Variants in NAV3 observed in about 807,000 individuals in gnomAD.
NAV3 encodes the protein neuron navigator 3.
In NAV3, 87 loss-of-function variants were observed where a neutral mutation model predicts 244.7. The ratio of observed to expected loss-of-function variants is 0.36; its 90% CI spans 0.30 to 0.42. NAV3 has a LOEUF of 0.42. Ranked by LOEUF, NAV3 falls within the 20% of genes least tolerant of loss-of-function variation. NAV3 has a pLI of 1.00. For synonymous variants in NAV3, 1,126 were observed against 1,042.2 expected, an observed-to-expected ratio of 1.08 and a Z score of -1.55; for missense variants, 2,663 against 2,893.3, an observed-to-expected ratio of 0.92 and a Z score of 1.83.
At chr12:77,616,457 A>G (rs773970877) in intron 2 of NAV3, among the ~76,000 whole-genome samples, 3 of 152,036 alleles carry the variant, frequency 2.0e-5, no homozygotes, top group Non-Finnish European at 2.9e-5. Flanking sequence ...CACAATATGC[A>G]TTTTTCTTGA....
chr12:77,659,145 A>G (rs1384691700), intron 2 of NAV3, among the ~76,000 whole-genome samples: 9 of 151,818 alleles, frequency 5.9e-5, no homozygotes, highest in Non-Finnish European at 1.0e-4. Flanking sequence ...TGCACAGCAA[A>G]AGAAACTACC....
chr12:77,800,475 T>A (rs1871650343), intron 2 of NAV3, among the ~76,000 whole-genome samples: 1 of 152,146 alleles, frequency 6.6e-6, no homozygotes, highest in Non-Finnish European at 1.5e-5. Context: ...CTGGGGAATG[T>A]GGATTTTTTG....
At chr12:77,984,240 C>T (rs1870072808) in intron 5 of NAV3, among the ~76,000 whole-genome samples, 1 of 152,092 alleles carries the variant, frequency 6.6e-6, no homozygotes. Context: ...ATCACAGTCC[C>T]AAAGTAATTT....
intron 1 of NAV3, among the ~76,000 whole-genome samples, chr12:77,936,694 T>C (rs894608482): frequency 6.6e-6 from 1 of 152,172 alleles, no homozygotes; most frequent in African/African-American, 2.4e-5. Flanking sequence ...CTGAGGGCAA[T>C]TTTGGAGTTC....
chr12:78,090,952 T>TTC lies in NAV3; in HGVS notation c.2637-25818_2637-25817dup, dbSNP rs1276309732. Among the ~76,000 whole-genome samples, 80 of 114,140 alleles carry TTC rather than the reference T, an allele frequency of 7.0e-4. 1 individual carries two copies. Among genetic ancestry groups the TTC allele is most frequent in the African/African-American group, 2.5e-3 (75 of 29,670 alleles). The allele number at this position is 114,140 out of a possible 152,430, so 74.9% of individuals were successfully genotyped here. A position where few individuals can be genotyped will look rare whatever the true frequency, so the allele number is the denominator to read the frequency against. ...AGAAGTACTTCTGTGCTGTGCTGTA[T>TTC]TCTGTGTGTGTGTGTGTGTGTGTGT... On this transcript the variant is annotated intron_variant, in intron 12 of 39. Coordinates refer to ENST00000397909, the MANE Select transcript of NAV3 (RefSeq NM_001024383.2).
chr12:77,798,128 C>T (rs1211227314), intron 2 of NAV3, among the ~76,000 whole-genome samples: 1 of 151,654 alleles, frequency 6.6e-6, no homozygotes, highest in Non-Finnish European at 1.5e-5. Context: ...TGCCACTGCA[C>T]TCCCTCCTGG....
chr12:77,624,295 A>G (rs1871516614), intron 2 of NAV3, among the ~76,000 whole-genome samples: 1 of 152,178 alleles, frequency 6.6e-6, no homozygotes, highest in Non-Finnish European at 1.5e-5. Context: ...TTCATGTGAG[A>G]AACAGTAGGG....
intron 5 of NAV3, among the ~76,000 whole-genome samples, chr12:77,975,011 G>A (rs1392947307): frequency 1.2e-4 from 1 of 8,658 alleles, no homozygotes; most frequent in Non-Finnish European, 5.7e-4. Context: ...AATCAAGTCT[G>A]CCCATTCCAC....
intron 5 of NAV3, among the ~76,000 whole-genome samples, chr12:77,975,986 C>G (rs1868339581): frequency 6.6e-6 from 1 of 152,108 alleles, no homozygotes; most frequent in African/African-American, 2.4e-5. Context: ...AAGGTAGTGT[C>G]AGAAGAAACT....
chr12:77,955,549 C>G (rs1175553097), intron 3 of NAV3, among the ~76,000 whole-genome samples: 2 of 152,126 alleles, frequency 1.3e-5, no homozygotes, highest in Non-Finnish European at 2.9e-5. Flanking sequence ...TTTCTCCTTT[C>G]CTAGTCTTTT....
chr12:77,873,044 C>T (rs937670093), intron 1 of NAV3, among the ~76,000 whole-genome samples: 6 of 152,112 alleles, frequency 3.9e-5, no homozygotes, highest in South Asian at 2.1e-4. Context: ...GTAAGTCTCA[C>T]GAGATCTGAT....
chr12:78,179,713 A>G lies in NAV3; in HGVS notation c.5517+31A>G, dbSNP rs772338197. The G allele has an allele frequency of 3.2e-6, 5 of 1,580,758 alleles. No homozygotes were observed. In the South Asian group the frequency reaches 4.6e-5, roughly 14 times the overall value. On this transcript the variant is annotated intron_variant, in intron 29 of 39. Transcript: ENST00000397909. ...TACTGAAGCACTTTCAAGGAATAAA[A>G]TGGAGAAACAAAAAAATGCTGCTTA...
intron 1 of NAV3, among the ~76,000 whole-genome samples, chr12:77,930,442 T>TG: frequency 6.6e-6 from 1 of 151,944 alleles, no homozygotes; most frequent in East Asian, 1.9e-4. Context: ...CATTTACCTT[T>TG]TTTTTTTAAC....
At chr12:78,034,721 A>G (rs186913814) in intron 9 of NAV3, among the ~76,000 whole-genome samples, 38 of 152,336 alleles carry the variant, frequency 2.5e-4, no homozygotes, top group African/African-American at 8.2e-4. Flanking sequence ...AAATTTCACT[A>G]TGGTCTCAGG....
intron 2 of NAV3, among the ~76,000 whole-genome samples, chr12:77,663,263 A>G (rs891714020): frequency 2.0e-5 from 3 of 152,212 alleles, no homozygotes; most frequent in African/African-American, 7.2e-5. Context: ...TGATATAGTG[A>G]TAAACATACA....
intron 12 of NAV3, among the ~76,000 whole-genome samples, chr12:78,113,512 C>G (rs902623216): frequency 1.6e-4 from 25 of 152,324 alleles, no homozygotes; most frequent in African/African-American, 5.8e-4. Flanking sequence ...TGGAAGCTGG[C>G]AAAGCTTGGG....
At chr12:78,173,597 C>T (rs1029831044) in intron 24 of NAV3, among the ~76,000 whole-genome samples, 24 of 151,348 alleles carry the variant, frequency 1.6e-4, no homozygotes, top group Non-Finnish European at 7.4e-5. Flanking sequence ...TAAAGGATAC[C>T]GGATTCCTTT....
At chr12:77,752,719 T>C (rs1242210884) in intron 2 of NAV3, among the ~76,000 whole-genome samples, 1 of 152,174 alleles carries the variant, frequency 6.6e-6, no homozygotes, top group Non-Finnish European at 1.5e-5. Context: ...GTCTCTACTT[T>C]ATAGAGCTCT....
intron 12 of NAV3, 58 bp from the exon 13 acceptor site, chr12:78,116,714 G>A (rs1475756422): frequency 3.5e-6 from 5 of 1,420,922 alleles, no homozygotes; most frequent in Admixed American, 2.2e-5. Flanking sequence ...GGAAATGTAG[G>A]TGACTTGCAT....
Sources: gnomAD v4.1 joint callset for allele counts (sites outside exome capture counted in the v4.1 genomes callset) on GRCh38, gnomAD v4.1.1 for gene constraint, MANE v1.5 for transcripts, NCBI Gene and HGNC (gene_info 2026-07-23, HGNC 2026-07-21) for gene names.